Variants in PLEKHA1 observed in about 807,000 individuals in gnomAD.
PLEKHA1 encodes the protein pleckstrin homology domain containing A1.
In PLEKHA1, 34 loss-of-function variants were observed where a neutral mutation model predicts 52.0. That is an observed-to-expected ratio of 0.65 (90% CI 0.50 to 0.87). PLEKHA1 has a LOEUF of 0.87. Among genes scored for constraint, PLEKHA1 ranks in the 40% least tolerant of loss-of-function variants. The pLI is 0.00. For missense variants in PLEKHA1, 497 were observed against 504.2 expected (o/e 0.99, Z 0.14); for synonymous variants, 163 against 170.7 (o/e 0.95, Z 0.35).
chr10:122,380,153 T>A (rs1239922712), intron 1 of PLEKHA1, among the ~76,000 whole-genome samples: 3 of 152,242 alleles, frequency 2.0e-5, no homozygotes, highest in African/African-American at 7.2e-5. Flanking sequence ...TCTTGTCTGA[T>A]GAGGAAGAAA....
chr10:122,416,770 A>G (rs942903099), intron 7 of PLEKHA1, among the ~76,000 whole-genome samples: 1 of 152,154 alleles, frequency 6.6e-6, no homozygotes, highest in Non-Finnish European at 1.5e-5. Flanking sequence ...AAGTTTGAAA[A>G]TGTTTTTTAA....
At chr10:122,377,503 A>G (rs1025009652) in intron 1 of PLEKHA1, among the ~76,000 whole-genome samples, 1 of 152,220 alleles carries the variant, frequency 6.6e-6, no homozygotes, top group Non-Finnish European at 1.5e-5. Context: ...GTGAGTACAC[A>G]TCCAGCATTT....
downstream of PLEKHA1, chr10:122,436,021 A>G (rs923827670): frequency 3.3e-5 from 5 of 152,232 alleles, no homozygotes; most frequent in African/African-American, 1.2e-4. Flanking sequence ...GAACAGTTCC[A>G]TCATCACAAA....
intron 1 of PLEKHA1, among the ~76,000 whole-genome samples, chr10:122,375,441 T>G (rs2096517758): frequency 6.6e-6 from 1 of 152,188 alleles, no homozygotes; most frequent in African/African-American, 2.4e-5. Flanking sequence ...GAGGCAGCGT[T>G]GAAAGCGACT....
intron 4 of PLEKHA1, among the ~76,000 whole-genome samples, chr10:122,401,437 G>A (rs2134273435): frequency 6.6e-6 from 1 of 152,188 alleles, no homozygotes; most frequent in East Asian, 1.9e-4. Context: ...GGTGGCAATA[G>A]GAGAAGGAGG....
rs746225224 is a variant in PLEKHA1, at chr10:122,430,058, G to T, written c.*120G>T. Reference sequence around the variant, plus strand: ...GTGCGTATATTATACTGCCTCTTAGGTGTACTCTTTATAAGCTGGTAAACC... The same window carrying T: ...GTGCGTATATTATACTGCCTCTTAGTTGTACTCTTTATAAGCTGGTAAACC... On this transcript the variant is annotated 3_prime_UTR_variant, in exon 12 of 12. Coordinates refer to ENST00000368990, the MANE Select transcript of PLEKHA1 (RefSeq NM_001001974.4). The T allele has an allele frequency of 2.0e-5, 22 of 1,089,724 alleles. No homozygotes were observed. Among genetic ancestry groups the T allele is most frequent in the Non-Finnish European group, 2.7e-5 (21 of 779,576 alleles). 67.5% of individuals were successfully genotyped at this position (1,089,724 alleles called of 1,614,324 possible).
intron 1 of PLEKHA1, among the ~76,000 whole-genome samples, chr10:122,390,271 G>A (rs752590099): frequency 1.4e-4 from 21 of 152,196 alleles, no homozygotes; most frequent in African/African-American, 4.1e-4. Flanking sequence ...TTGATGTTCT[G>A]TCGAGACCAG....
rs879092686 is a variant in PLEKHA1, at chr10:122,417,989, T to C, written c.681+21T>C. 5 of 1,576,716 alleles carry C rather than the reference T, an allele frequency of 3.2e-6. No individual in the cohort carries two copies. The African/African-American group carries it at 5.4e-5, about 17-fold the overall frequency. On this transcript the variant is annotated intron_variant, in intron 8 of 11. Coordinates refer to ENST00000368990, the MANE Select transcript of PLEKHA1 (RefSeq NM_001001974.4). Reference sequence around the variant, plus strand: ...AACTGGTATGTTGTTACGTCATAAATGTTGCTATAAGAATGTTTGAAAAGT... The same window carrying C: ...AACTGGTATGTTGTTACGTCATAAACGTTGCTATAAGAATGTTTGAAAAGT...
At chr10:122,386,504 T>C (rs1002592865) in intron 1 of PLEKHA1, 2 of 152,212 alleles carry the variant, frequency 1.3e-5, no homozygotes, top group Admixed American at 1.3e-4. Flanking sequence ...TTCAGATATA[T>C]CAACTATTAT....
intron 1 of PLEKHA1, among the ~76,000 whole-genome samples, chr10:122,376,269 C>T (rs1459951494): frequency 6.6e-6 from 1 of 151,848 alleles, no homozygotes; most frequent in African/African-American, 2.4e-5. Flanking sequence ...GAAATATTTC[C>T]CCTAGTGGAG....
intron 5 of PLEKHA1, among the ~76,000 whole-genome samples, chr10:122,406,971 C>T (rs778177469): frequency 6.6e-6 from 1 of 152,100 alleles, no homozygotes; most frequent in Admixed American, 6.6e-5. Context: ...AGAGTTCTAC[C>T]GGGAGGATAT....
At chr10:122,412,761 A>T (rs2097125055) in intron 5 of PLEKHA1, 159 bp from the exon 6 acceptor site, 1 of 679,792 alleles carries the variant, frequency 1.5e-6, no homozygotes. Flanking sequence ...CTAACAGAAA[A>T]ATTAGTGTGA....
chr10:122,439,088 T>C, the PLEKHA1 span: 1 of 152,218 alleles, frequency 6.6e-6, no homozygotes, highest in Non-Finnish European at 1.5e-5. Flanking sequence ...TGAGTTTTTT[T>C]CTTAAGAATG....
intron 3 of PLEKHA1, 120 bp from the exon 4 acceptor site, chr10:122,400,223 C>A: frequency 1.4e-6 from 1 of 703,782 alleles, no homozygotes. Flanking sequence ...AATTTTAAGT[C>A]TGTTTACTAA....
intron 1 of PLEKHA1, among the ~76,000 whole-genome samples, chr10:122,380,657 A>G (rs1044782883): frequency 1.3e-5 from 2 of 152,076 alleles, no homozygotes; most frequent in African/African-American, 4.8e-5. Context: ...TTTTACTTTG[A>G]GTGAGATGGG....
At chr10:122,379,643 A>G (rs1425072050) in intron 1 of PLEKHA1, among the ~76,000 whole-genome samples, 1 of 152,158 alleles carries the variant, frequency 6.6e-6, no homozygotes, top group Non-Finnish European at 1.5e-5. Flanking sequence ...GAGTGGAAGG[A>G]TGGTGCTGAT....
chr10:122,393,133 A>G lies in PLEKHA1; in HGVS notation c.-20-48A>G, dbSNP rs2096798940. 3.4e-6 allele frequency: 5 copies of G among 1,458,310 alleles called. No individual in the cohort carries two copies. The highest frequency in any genetic ancestry group is 4.6e-6 in the Non-Finnish European group (5 of 1,088,976). The allele number at this position is 1,458,310 out of a possible 1,614,324, so 90.3% of individuals were successfully genotyped here. On this transcript the variant is annotated intron_variant, in intron 1 of 11. Coordinates refer to ENST00000368990, the MANE Select transcript of PLEKHA1 (RefSeq NM_001001974.4). The surrounding 1 kb of genome is among the most constrained non-coding windows in gnomAD (Gnocchi z 4.5). ...AACAGATTTGCAGTCCATGAGAAATACTTTCCTGTTTCATAGGGAGCTTAC... is the reference window on the plus strand; with the variant it reads ...AACAGATTTGCAGTCCATGAGAAATGCTTTCCTGTTTCATAGGGAGCTTAC...
At chr10:122,420,316 A>AAG (rs2097241412) in intron 8 of PLEKHA1, 4 of 152,218 alleles carry the variant, frequency 2.6e-5, no homozygotes. Flanking sequence ...AAAATGTTTA[A>AAG]AGTGTAAATG....
At chr10:122,401,303 A>G (rs756112183) in intron 4 of PLEKHA1, among the ~76,000 whole-genome samples, 24 of 152,220 alleles carry the variant, frequency 1.6e-4, no homozygotes, top group Non-Finnish European at 2.9e-4. Flanking sequence ...GAAAGCAGAC[A>G]TAAGGTGAAG....
Sources: allele counts gnomAD v4.1 joint callset (sites outside exome capture counted in the v4.1 genomes callset), GRCh38; gene constraint gnomAD v4.1.1; non-coding constraint Gnocchi (gnomAD v3.1); transcripts MANE v1.5; gene names NCBI Gene and HGNC (gene_info 2026-07-23, HGNC 2026-07-21).